ZNF217: variants seen among roughly 807,000 people sequenced by gnomAD.
ZNF217 encodes zinc finger protein 217.
Under a neutral mutation model 73.3 loss-of-function variants are expected in ZNF217, and 12 were observed. That is an observed-to-expected ratio of 0.16 (90% CI 0.10 to 0.27). The LOEUF is 0.27. Among genes scored for constraint, ZNF217 ranks in the 10% least tolerant of loss-of-function variants. The probability of loss-of-function intolerance (pLI) is 1.00; values close to 1 mark genes in which losing one functional copy is unlikely to be tolerated. For missense variants in ZNF217, 1,195 were observed against 1,327.8 expected (o/e 0.90, Z 1.55); for synonymous variants, 588 against 516.4 (o/e 1.14, Z -1.88).
At chr20:53,575,519 G>T (rs576225724) in intron 4 of ZNF217, 7 of 531,534 alleles carry the variant, frequency 1.3e-5, no homozygotes, top group Non-Finnish European at 2.3e-5. Flanking sequence ...AAATACACAG[G>T]GTTAAGAGTT....
At chr20:53,578,538 A>G in intron 2 of ZNF217, 88 bp from the exon 3 acceptor site, 1 of 821,388 alleles carries the variant, frequency 1.2e-6, no homozygotes, top group African/African-American at 1.8e-5. Context: ...TGACATAAAC[A>G]TTTTTGGAAA....
Position 53,582,189 on chromosome 20 carries a change from G to C in ZNF217, c.638C>G (p.Ser213Cys). 1 of 1,614,066 alleles carries C rather than the reference G, an allele frequency of 6.2e-7. No individual in the cohort carries two copies. The highest frequency in any genetic ancestry group is 8.5e-7 in the Non-Finnish European group (1 of 1,180,046). Residue 213 changes from serine to cysteine, a missense_variant, in exon 2 of 6, where the codon TCT becomes TGT. This residue lies in a region of ZNF217 where 126 missense variants were observed against 114.4 expected (regional missense o/e 1.10). Transcript: ENST00000371471. This position sits in a 1 kb window ranked among gnomAD's most constrained non-coding sequence, Gnocchi z 4.8. ...VQVHAAESISSPYKICMVCGF... is the reference protein window; with the variant it reads ...VQVHAAESISCPYKICMVCGF... ...ACAAACCATGCAGATTTTGTAAGGA[G>C]AGGAGATGCTCTCGGCCGCGTGCAC...
At position 53,582,455 on chromosome 20, in the gene ZNF217, C is replaced by T. The variant is rs375354732; in HGVS notation, c.372G>A (p.Lys124=). The change falls in exon 2 of 6, where the codon AAG becomes AAA. Residue 124 remains lysine, a synonymous_variant. Transcript: ENST00000371471. The surrounding 1 kb of genome is among the most constrained non-coding windows in gnomAD (Gnocchi z 4.8). ...RTEPPKEKNC[K]ENEFSCEVCG... Reference sequence around the variant, plus strand: ...ATACCTCACAGCTAAATTCATTTTCCTTGCAATTCTTTTCCTTGGGAGGTT... The same window carrying T: ...ATACCTCACAGCTAAATTCATTTTCTTTGCAATTCTTTTCCTTGGGAGGTT... 106 of 1,614,062 alleles carry T rather than the reference C, an allele frequency of 6.6e-5. No individual in the cohort carries two copies. The Middle Eastern group carries it at 1.3e-3, about 20-fold the overall frequency.
chr20:53,577,989 G>A (rs761370277), intron 3 of ZNF217, among the ~76,000 whole-genome samples: 16 of 152,158 alleles, frequency 1.1e-4, no homozygotes, highest in Non-Finnish European at 1.9e-4. Context: ...GCAGGTACCT[G>A]TAATCCCAAC....
Position 53,577,026 on chromosome 20 carries a change from G to A in ZNF217, c.1738C>T (p.Pro580Ser). 6.2e-7 allele frequency: 1 copy of A among 1,614,232 alleles called. No homozygotes were observed. Among genetic ancestry groups the A allele is most frequent in the Non-Finnish European group, 8.5e-7 (1 of 1,180,054 alleles). Residue 580 changes from proline (P) to serine (S), a missense_variant, in exon 4 of 6, where the codon CCT becomes TCT. Physicochemically the swap from Pro to Ser is moderately conservative, Grantham distance 74 (BLOSUM62 -1). Coordinates refer to ENST00000371471, the MANE Select transcript of ZNF217 (RefSeq NM_006526.3). ...SPPAKQLKEM[P>S]SVFQNVLGSA... is the part of the protein sequence containing the mutation. The stretch of plus-strand genomic sequence containing the variant: ...CCCAGAACATTCTGAAAAACAGAAG[G>A]CATCTCCTTAAGCTGCTTTGCAGGT...
chr20:53,581,431 AC>A lies in ZNF217; in HGVS notation c.1366+29del. The stretch of plus-strand genomic sequence containing the variant: ...GGGGAGACAGACAGACACAGGCGGA[AC>A]AGCACGGGACGGAGACAGGGCAGCT... On this transcript the variant is annotated intron_variant, in intron 2 of 5. Coordinates refer to ENST00000371471, the MANE Select transcript of ZNF217 (RefSeq NM_006526.3). The surrounding 1 kb of genome is among the most constrained non-coding windows in gnomAD (Gnocchi z 4.9). The A allele has an allele frequency of 6.4e-7, 1 of 1,572,760 alleles. No individual in the cohort carries two copies. The highest frequency in any genetic ancestry group is 8.6e-7 in the Non-Finnish European group (1 of 1,157,296).
chr20:53,590,312 A>G (rs2145979380), intron 1 of ZNF217, among the ~76,000 whole-genome samples: 1 of 152,366 alleles, frequency 6.6e-6, no homozygotes, highest in East Asian at 1.9e-4. Context: ...TTAAACTGAA[A>G]TGGGAAATTA....
upstream of ZNF217, among the ~76,000 whole-genome samples, chr20:53,596,731 C>T (rs945748767): frequency 1.2e-4 from 18 of 151,974 alleles, no homozygotes; most frequent in Non-Finnish European, 2.1e-4. Context: ...ACAAGAAATC[C>T]AGCTTCGCCA....
intron 1 of ZNF217, among the ~76,000 whole-genome samples, chr20:53,590,404 G>A (rs1469745851): frequency 1.3e-5 from 2 of 152,144 alleles, no homozygotes; most frequent in Non-Finnish European, 2.9e-5. Context: ...CAGGAGATGG[G>A]ACAATTTGAA....
chr20:53,575,699 T>C lies in ZNF217; in HGVS notation c.3037+28A>G, dbSNP rs374583616. 41 of 1,530,272 alleles carry C rather than the reference T, an allele frequency of 2.7e-5. No individual in the cohort carries two copies. The African/African-American group carries it at 5.0e-4, about 19-fold the overall frequency. The allele number at this position is 1,530,272 out of a possible 1,614,324, so 94.8% of individuals were successfully genotyped here. On this transcript the variant is annotated intron_variant, in intron 4 of 5. Coordinates refer to ENST00000371471, the MANE Select transcript of ZNF217 (RefSeq NM_006526.3). ...AGCTATTAATCACTGTAGGCAGCCA[T>C]TTAAACACGACGCCCCTCATGCAAT...
At chr20:53,578,985 A>G (rs1988387371) in intron 2 of ZNF217, among the ~76,000 whole-genome samples, 1 of 152,236 alleles carries the variant, frequency 6.6e-6, no homozygotes, top group Non-Finnish European at 1.5e-5. Context: ...ACAGAAAAGA[A>G]AGTCTGGCAT....
In ZNF217 at chr20:53,581,417, C is replaced by T. The variant is rs1162295806; in HGVS notation, c.1366+44G>A. 1.9e-6 allele frequency: 3 copies of T among 1,547,782 alleles called. No homozygotes were observed. Among genetic ancestry groups the T allele is most frequent in the Middle Eastern group, 1.8e-4 (1 of 5,656 alleles). On this transcript the variant is annotated intron_variant, in intron 2 of 5. Coordinates refer to ENST00000371471, the MANE Select transcript of ZNF217 (RefSeq NM_006526.3). This position sits in a 1 kb window ranked among gnomAD's most constrained non-coding sequence, Gnocchi z 4.9. The stretch of plus-strand genomic sequence containing the variant: ...AGAGAGGGGGAGACGGGGAGACAGA[C>T]AGACACAGGCGGAACAGCACGGGAC...
chr20:53,596,729 T>TC (rs1411584209), upstream of ZNF217, among the ~76,000 whole-genome samples: 4 of 151,908 alleles, frequency 2.6e-5, no homozygotes, highest in African/African-American at 9.7e-5. Flanking sequence ...CCACAAGAAA[T>TC]CCAGCTTCGC....
Position 53,567,353 on chromosome 20 carries a change from G to C in ZNF217, c.*1935C>G, listed in dbSNP as rs967114389. 25 of 152,642 alleles carry C rather than the reference G, an allele frequency of 1.6e-4. No individual in the cohort carries two copies. Among genetic ancestry groups the C allele is most frequent in the Non-Finnish European group, 2.2e-4 (15 of 68,032 alleles). The allele number at this position is 152,642 out of a possible 1,614,324, so 9.5% of individuals were successfully genotyped here. On this transcript the variant is annotated 3_prime_UTR_variant, in exon 6 of 6. Coordinates refer to ENST00000371471, the MANE Select transcript of ZNF217 (RefSeq NM_006526.3). ...AACATATTTTGAAGTACAAAGGGCT[G>C]TAGGAAAATAATTGGTATTTTTATA...
intron 3 of ZNF217, 21 bp from the exon 4 acceptor site, chr20:53,577,301 T>C (rs1167616709): frequency 1.3e-6 from 2 of 1,585,422 alleles, no homozygotes. Context: ...AAATGGCACT[T>C]TATTATAGAA....
chr20:53,594,061 T>TCCCCCA (rs1306029165), upstream of ZNF217, among the ~76,000 whole-genome samples: 1 of 123,058 alleles, frequency 8.1e-6, no homozygotes, highest in Non-Finnish European at 1.7e-5. Flanking sequence ...AAAAGGAGCG[T>TCCCCCA]CCCCCACCCC....
At chr20:53,579,915 C>T (rs576022039) in intron 2 of ZNF217, among the ~76,000 whole-genome samples, 14 of 152,354 alleles carry the variant, frequency 9.2e-5, no homozygotes, top group African/African-American at 3.4e-4. Context: ...CACCCACAGC[C>T]AGGCATTCTG....
In ZNF217 at chr20:53,583,107, T is replaced by A. The variant is rs1274005540; in HGVS notation, c.-281A>T. 6 of 421,172 alleles carry A rather than the reference T, an allele frequency of 1.4e-5. No individual in the cohort carries two copies. The South Asian group carries it at 3.2e-4, about 23-fold the overall frequency. The allele number at this position is 421,172 out of a possible 1,614,324, so 26.1% of individuals were successfully genotyped here. ...ATTAGTTCTCTTTGTCTCCATTGAATGAGTGTTTCAATTGAGCAAGAAGTC... is the reference window on the plus strand; with the variant it reads ...ATTAGTTCTCTTTGTCTCCATTGAAAGAGTGTTTCAATTGAGCAAGAAGTC... On this transcript the variant is annotated 5_prime_UTR_variant, in exon 2 of 6. Transcript: ENST00000371471.
At chr20:53,580,531 T>G (rs1430881234) in intron 2 of ZNF217, among the ~76,000 whole-genome samples, 4 of 152,228 alleles carry the variant, frequency 2.6e-5, no homozygotes, top group Non-Finnish European at 5.9e-5. Flanking sequence ...ACAGTGAGGA[T>G]GGGCGCAACT....
Sources: allele counts gnomAD v4.1 joint callset (sites outside exome capture counted in the v4.1 genomes callset), GRCh38; gene constraint gnomAD v4.1.1; regional missense constraint gnomAD v4.1.1; non-coding constraint Gnocchi (gnomAD v3.1); transcripts MANE v1.5; gene names NCBI Gene and HGNC (gene_info 2026-07-23, HGNC 2026-07-21).